The following ACACA variants were observed in gnomAD, a reference collection of about 807,000 sequenced individuals.
ACACA encodes the protein acetyl-CoA carboxylase 1.
A neutral mutation model predicts 296.1 loss-of-function variants in ACACA; 103 were observed. That is an observed-to-expected ratio of 0.35 (90% confidence interval 0.30 to 0.41). The LOEUF (loss-of-function observed/expected upper bound fraction) is 0.41, where lower values mean the gene tolerates loss of function less well. Ranked by LOEUF, ACACA falls within the 10% of genes least tolerant of loss-of-function variation. The pLI, the probability that ACACA is intolerant of heterozygous loss-of-function variation, is 1.00. For synonymous variants in ACACA, 953 were observed against 1,038.6 expected, an observed-to-expected ratio of 0.92 and a Z score of 1.58; for missense variants, 1,554 against 2,989.7, an observed-to-expected ratio of 0.52 and a Z score of 11.20.
At chr17:37,296,739 C>A (rs2083352550) in intron 3 of ACACA, among the ~76,000 whole-genome samples, 1 of 151,974 alleles carries the variant, frequency 6.6e-6, no homozygotes, top group African/African-American at 2.4e-5. Context: ...GTGTGTGAGG[C>A]AGAGTCTCGC....
intron 3 of ACACA, among the ~76,000 whole-genome samples, chr17:37,311,479 ATACAGATAAAAG>A (rs146939272): frequency 0.012 from 1,825 of 152,178 alleles, 52 homozygotes; most frequent in African/African-American, 0.041. Context: ...GAGAAGGAGA[ATACAGATAAAAG>A]TAAGTTTGAA....
intron 52 of ACACA, among the ~76,000 whole-genome samples, chr17:37,101,709 A>G (rs113466674): frequency 3.9e-5 from 6 of 152,230 alleles, no homozygotes; most frequent in Non-Finnish European, 4.4e-5. Flanking sequence ...CTTAGTCCCA[A>G]TTCCATAACT....
intron 52 of ACACA, among the ~76,000 whole-genome samples, chr17:37,099,759 T>C (rs545248406): frequency 6.6e-6 from 1 of 152,152 alleles, no homozygotes; most frequent in African/African-American, 2.4e-5. Context: ...AGAACACCCT[T>C]GTTAGGGAAG....
At chr17:37,182,251 A>G (rs2077353823) in intron 39 of ACACA, among the ~76,000 whole-genome samples, 1 of 152,160 alleles carries the variant, frequency 6.6e-6, no homozygotes, top group African/African-American at 2.4e-5. Context: ...GATTTCATCC[A>G]TCCATCTAGA....
chr17:37,118,683 G>A (rs1180000301), intron 50 of ACACA, among the ~76,000 whole-genome samples: 4 of 152,148 alleles, frequency 2.6e-5, no homozygotes, highest in Non-Finnish European at 5.9e-5. Flanking sequence ...CTGCCATTTT[G>A]TAGCTGAATG....
intron 1 of ACACA, among the ~76,000 whole-genome samples, chr17:37,359,957 T>C (rs1301132825): frequency 2.6e-5 from 4 of 152,084 alleles, no homozygotes; most frequent in Non-Finnish European, 5.9e-5. Flanking sequence ...CTGCCTGCCC[T>C]GAGCAAAATA....
At chr17:37,361,164 G>A (rs995678179) in intron 1 of ACACA, among the ~76,000 whole-genome samples, 27 of 151,322 alleles carry the variant, frequency 1.8e-4, no homozygotes, top group Middle Eastern at 3.2e-3. Context: ...TCAGCCTCCC[G>A]AATAGCTGGG....
chr17:37,285,994 CGA>C (rs2082750816), intron 3 of ACACA, among the ~76,000 whole-genome samples: 1 of 152,112 alleles, frequency 6.6e-6, no homozygotes, highest in Non-Finnish European at 1.5e-5. Context: ...CAGGTTCAAG[CGA>C]TGCTCCTGCC....
At chr17:37,394,306 G>C (rs574594347) in intron 1 of ACACA, among the ~76,000 whole-genome samples, 1 of 151,874 alleles carries the variant, frequency 6.6e-6, no homozygotes, top group South Asian at 2.1e-4. Flanking sequence ...TGCTTCCCGG[G>C]TTCAAACTAT....
intron 25 of ACACA, among the ~76,000 whole-genome samples, chr17:37,231,405 A>G (rs757993509): frequency 4.6e-5 from 7 of 152,212 alleles, no homozygotes; most frequent in Non-Finnish European, 8.8e-5. Context: ...ATGAACTGGT[A>G]GCTTCTTCTA....
At chr17:37,136,464 A>G (rs1029012562) in intron 45 of ACACA, among the ~76,000 whole-genome samples, 1 of 152,120 alleles carries the variant, frequency 6.6e-6, no homozygotes, top group South Asian at 2.1e-4. Flanking sequence ...GTTGGTGTAC[A>G]TTTGGGTTGT....
chr17:37,255,851 A>G (rs2081203012), intron 14 of ACACA, among the ~76,000 whole-genome samples: 1 of 152,116 alleles, frequency 6.6e-6, no homozygotes, highest in Non-Finnish European at 1.5e-5. Flanking sequence ...GGTTCCAGTG[A>G]TTCTCCTGCC....
chr17:37,360,077 T>C (rs1175419722), intron 1 of ACACA: 2 of 152,154 alleles, frequency 1.3e-5, no homozygotes, highest in African/African-American at 4.8e-5. Flanking sequence ...TTTTGCCAGT[T>C]ACTTCATAGC....
At chr17:37,333,587 G>A (rs1303112379) in intron 2 of ACACA, among the ~76,000 whole-genome samples, 1 of 151,910 alleles carries the variant, frequency 6.6e-6, no homozygotes, top group Non-Finnish European at 1.5e-5. Flanking sequence ...ACTTTTGCCT[G>A]CAGCTAACCA....
At chr17:37,391,110 C>T (rs778404120) in intron 1 of ACACA, among the ~76,000 whole-genome samples, 6 of 152,012 alleles carry the variant, frequency 3.9e-5, no homozygotes, top group Non-Finnish European at 7.4e-5. Flanking sequence ...TGGTGGCACA[C>T]GCCAGTAATC....
Position 37,406,696 on chromosome 17 carries a change from A to G in ACACA, c.-397T>C. The G allele has an allele frequency of 2.9e-6, 1 of 342,448 alleles. No individual in the cohort carries two copies. The highest frequency in any genetic ancestry group is 5.6e-6 in the Non-Finnish European group (1 of 179,814). The allele number at this position is 342,448 out of a possible 1,614,324, so 21.2% of individuals were successfully genotyped here. The stretch of plus-strand genomic sequence containing the variant: ...TTACTGGTCGGATCAAAAGTCAGGC[A>G]AGCGGCTCAGCCCCATCCTCCCAGT... On this transcript the variant is annotated 5_prime_UTR_variant, in exon 1 of 56. Transcript: ENST00000616317.
intron 3 of ACACA, among the ~76,000 whole-genome samples, chr17:37,312,903 G>A (rs1405202873): frequency 6.6e-6 from 1 of 151,900 alleles, no homozygotes; most frequent in Non-Finnish European, 1.5e-5. Flanking sequence ...TATATAAAGG[G>A]AAAAAATATA....
intron 29 of ACACA, among the ~76,000 whole-genome samples, chr17:37,218,944 A>AG (rs2145612731): frequency 6.6e-6 from 1 of 152,324 alleles, no homozygotes; most frequent in South Asian, 2.1e-4. Context: ...GGTTCCTGGA[A>AG]GAGAGACTAA....
chr17:37,137,255 G>A (rs905274620), intron 45 of ACACA, among the ~76,000 whole-genome samples: 2 of 152,090 alleles, frequency 1.3e-5, no homozygotes, highest in Admixed American at 6.6e-5. Context: ...TGGTTTTACT[G>A]AATAGGCTGT....
Sources: allele counts gnomAD v4.1 joint callset (sites outside exome capture counted in the v4.1 genomes callset), GRCh38; gene constraint gnomAD v4.1.1; transcripts MANE v1.5; gene names NCBI Gene and HGNC (gene_info 2026-07-23, HGNC 2026-07-21).